The following PRKN variants were observed in gnomAD, a reference collection of about 807,000 sequenced individuals.
The protein encoded by PRKN is E3 ubiquitin-protein ligase parkin.
A neutral mutation model predicts 59.5 loss-of-function variants in PRKN; 56 were observed. That is an observed-to-expected ratio of 0.94 (90% CI 0.76 to 1.18). The LOEUF is 1.18. PRKN is among the 50% of genes most tolerant of loss of function. The pLI is 0.00. For synonymous variants in PRKN, 250 were observed against 222.1 expected (o/e 1.13, Z -1.12); for missense variants, 657 against 596.4 (o/e 1.10, Z -1.06).
At chr6:162,149,395 C>T (rs999749158) in intron 4 of PRKN, among the ~76,000 whole-genome samples, 4 of 152,038 alleles carry the variant, frequency 2.6e-5, no homozygotes, top group African/African-American at 7.2e-5. Context: ...CAGGTGTGCA[C>T]TACCACACCC....
intron 5 of PRKN, among the ~76,000 whole-genome samples, chr6:162,012,734 C>T (rs148130578): frequency 3.3e-5 from 5 of 152,252 alleles, no homozygotes; most frequent in African/African-American, 1.2e-4. Context: ...CATGTACTTT[C>T]AGTCCCCTCT....
chr6:162,696,119 G>A (rs1251791510), intron 1 of PRKN, among the ~76,000 whole-genome samples: 1 of 152,068 alleles, frequency 6.6e-6, no homozygotes, highest in Non-Finnish European at 1.5e-5. Flanking sequence ...CTAAAAAAGA[G>A]AGAGAAAAAC....
At chr6:162,398,562 T>C (rs1470934849) in intron 2 of PRKN, among the ~76,000 whole-genome samples, 2 of 152,116 alleles carry the variant, frequency 1.3e-5, no homozygotes, top group Admixed American at 6.5e-5. Flanking sequence ...AGCTAATTTT[T>C]GTATTTTTAG....
intron 1 of PRKN, among the ~76,000 whole-genome samples, chr6:162,497,202 C>T (rs1469126468): frequency 6.6e-6 from 1 of 152,050 alleles, no homozygotes; most frequent in Non-Finnish European, 1.5e-5. Flanking sequence ...TGTAATTTGA[C>T]TATAATAAAT....
At chr6:162,026,913 G>A (rs1262663312) in intron 5 of PRKN, among the ~76,000 whole-genome samples, 1 of 152,136 alleles carries the variant, frequency 6.6e-6, no homozygotes, top group Non-Finnish European at 1.5e-5. Context: ...TGAGTCTACC[G>A]TATGTGTAAT....
At chr6:162,656,576 T>A (rs1206583233) in intron 1 of PRKN, among the ~76,000 whole-genome samples, 1 of 152,242 alleles carries the variant, frequency 6.6e-6, no homozygotes, top group Non-Finnish European at 1.5e-5. Flanking sequence ...ATTAGCACTG[T>A]CTCTGCCATA....
intron 6 of PRKN, among the ~76,000 whole-genome samples, chr6:161,933,806 C>T (rs2128241434): frequency 6.6e-6 from 1 of 152,236 alleles, no homozygotes; most frequent in Middle Eastern, 3.4e-3. Context: ...TCAGACCACA[C>T]TTTGTCCTAA....
In PRKN at chr6:161,662,133, C is replaced by T. The variant is rs138076773; in HGVS notation, c.872-92717G>A. On this transcript the variant is annotated intron_variant, in intron 7 of 11. Transcript: ENST00000366898. ...AGCTGCACAGAGGGAAAGTTCGTAA[C>T]GTGAATGTTGGCTCAAAAAAAATTC... Among the ~76,000 whole-genome samples, 10 of 152,172 alleles carry T rather than the reference C, an allele frequency of 6.6e-5. No individual in the cohort carries two copies. In the East Asian group the frequency reaches 9.6e-4, roughly 15 times the overall value.
At chr6:162,339,372 C>T (rs1211225422) in intron 2 of PRKN, among the ~76,000 whole-genome samples, 4 of 147,306 alleles carry the variant, frequency 2.7e-5, no homozygotes, top group East Asian at 2.1e-4. Context: ...CCAGCCGCCC[C>T]GTCCGGGAGG....
chr6:161,412,894 ACTCACTCATTCCTTC>A (rs1355424119), intron 9 of PRKN, among the ~76,000 whole-genome samples: 2 of 150,670 alleles, frequency 1.3e-5, no homozygotes, highest in Non-Finnish European at 3.0e-5. Flanking sequence ...TCATTCCTTC[ACTCACTCATTCCTTC>A]CTCACTCATT....
intron 1 of PRKN, among the ~76,000 whole-genome samples, chr6:162,467,617 C>T (rs1791489277): frequency 1.3e-5 from 2 of 152,082 alleles, no homozygotes; most frequent in African/African-American, 4.8e-5. Context: ...TGAATCAGAG[C>T]AATACTCTCA....
chr6:161,518,734 G>A lies in PRKN; in HGVS notation c.1083+30120C>T, dbSNP rs113434399. Reference sequence around the variant, plus strand: ...ATCCTCCTGCCTGCTGCAGAGGGCCGGCGGTGTGCCTTGATACTTGGCTAT... The same window carrying A: ...ATCCTCCTGCCTGCTGCAGAGGGCCAGCGGTGTGCCTTGATACTTGGCTAT... On this transcript the variant is annotated intron_variant, in intron 9 of 11. Transcript: ENST00000366898. The surrounding 1 kb of genome is among the most constrained non-coding windows in gnomAD (Gnocchi z 5.0). Among the ~76,000 whole-genome samples, 98 of 152,316 alleles carry A rather than the reference G, an allele frequency of 6.4e-4. No homozygotes were observed. Among genetic ancestry groups the A allele is most frequent in the African/African-American group, 1.9e-3 (81 of 41,568 alleles).
intron 2 of PRKN, among the ~76,000 whole-genome samples, chr6:162,383,077 T>G (rs75888372): frequency 0.074 from 11,288 of 152,216 alleles, 561 homozygotes; most frequent in Middle Eastern, 0.11. Flanking sequence ...TGTGCTGAAG[T>G]CTTGAAGACC....
rs926478452 is a variant in PRKN, at chr6:161,413,048, C to T, written c.1084-26171G>A. ...CTTCCTGACTGCTGGACTAGAATCT[C>T]GCAGGGATTGAGCTTTATTCTGGCA... On this transcript the variant is annotated intron_variant, in intron 9 of 11. Transcript: ENST00000366898. The surrounding 1 kb of genome is among the most constrained non-coding windows in gnomAD (Gnocchi z 4.4). Among the ~76,000 whole-genome samples, 6 of 152,216 alleles carry T rather than the reference C, an allele frequency of 3.9e-5. No individual in the cohort carries two copies. The highest frequency in any genetic ancestry group is 8.8e-5 in the Non-Finnish European group (6 of 68,040).
At chr6:162,694,043 C>T (rs1010115873) in intron 1 of PRKN, among the ~76,000 whole-genome samples, 2 of 151,832 alleles carry the variant, frequency 1.3e-5, no homozygotes, top group African/African-American at 4.8e-5. Flanking sequence ...GTCAGGAGAT[C>T]GAGATCATCC....
intron 2 of PRKN, among the ~76,000 whole-genome samples, chr6:162,332,077 G>T (rs1016091373): frequency 6.6e-6 from 1 of 152,076 alleles, no homozygotes; most frequent in African/African-American, 2.4e-5. Flanking sequence ...CTCTTTAAAG[G>T]TTACAAATGC....
intron 2 of PRKN, among the ~76,000 whole-genome samples, chr6:162,362,480 C>T (rs1337213315): frequency 6.6e-6 from 1 of 151,866 alleles, no homozygotes; most frequent in Non-Finnish European, 1.5e-5. Flanking sequence ...AAAATAAGGG[C>T]CGTGTAAAAT....
intron 9 of PRKN, among the ~76,000 whole-genome samples, chr6:161,522,493 C>T (rs982207796): frequency 1.9e-4 from 29 of 152,350 alleles, no homozygotes; most frequent in Admixed American, 7.2e-4. Flanking sequence ...TTGGACACTC[C>T]TGCATTAATA....
intron 3 of PRKN, among the ~76,000 whole-genome samples, chr6:162,245,105 C>G (rs890352713): frequency 6.6e-6 from 1 of 152,012 alleles, no homozygotes; most frequent in African/African-American, 2.4e-5. Context: ...GTTTCATTCT[C>G]TTAATAATCA....
Sources: gnomAD v4.1 joint callset for allele counts (sites outside exome capture counted in the v4.1 genomes callset) on GRCh38, gnomAD v4.1.1 for gene constraint, Gnocchi (gnomAD v3.1) non-coding constraint, MANE v1.5 for transcripts, NCBI Gene and HGNC (gene_info 2026-07-23, HGNC 2026-07-21) for gene names.